BBS7: variants seen among roughly 807,000 people sequenced by gnomAD.
The protein encoded by BBS7 is Bardet-Biedl syndrome 7, also known as BBSome complex member BBS7.
In BBS7, 50 loss-of-function variants were observed where a neutral mutation model predicts 90.3. The observed-to-expected ratio is 0.55, with a 90% confidence interval of 0.44 to 0.70. The LOEUF (loss-of-function observed/expected upper bound fraction) is 0.70, where lower values mean the gene tolerates loss of function less well. BBS7 is among the 30% of genes least tolerant of loss of function. The pLI is 0.00. For synonymous variants in BBS7, 235 were observed against 287.4 expected (o/e 0.82, Z 1.85); for missense variants, 729 against 838.9 (o/e 0.87, Z 1.62).
chr4:121,853,961 T>C (rs1726459143), intron 7 of BBS7, among the ~76,000 whole-genome samples: 1 of 152,210 alleles, frequency 6.6e-6, no homozygotes, highest in Admixed American at 6.5e-5. Flanking sequence ...ACCTCAAATC[T>C]TTCACACTTA....
In BBS7 at chr4:121,847,506, C is replaced by A. The variant is rs1002315435; in HGVS notation, c.935G>T (p.Gly312Val). 6.2e-7 allele frequency: 1 copy of A among 1,604,294 alleles called. No individual in the cohort carries two copies. The highest frequency in any genetic ancestry group is 1.3e-5 in the African/African-American group (1 of 74,646). ...CTCTGTTGTCAGACCTGTAACCCAGCCTGTAGAGATGAATTACAATCACGC... is the reference window on the plus strand; with the variant it reads ...CTCTGTTGTCAGACCTGTAACCCAGACTGTAGAGATGAATTACAATCACGC... The part of the protein sequence containing the change: ...YDEIVVSTYS[G>V]WVTGLTTEPI... Residue 312 changes from glycine to valine, a missense_variant and splice_region_variant, in exon 10 of 19, where the codon GGC becomes GTC. Transcript: ENST00000264499.
chr4:121,863,356 A>T, intron 2 of BBS7, 77 bp from the exon 3 acceptor site: 1 of 1,267,990 alleles, frequency 7.9e-7, no homozygotes, highest in South Asian at 1.3e-5. Context: ...GGAAAGCAAG[A>T]TTCTTAATTT....
intron 12 of BBS7, among the ~76,000 whole-genome samples, chr4:121,841,442 A>G (rs1043565456): frequency 2.0e-5 from 3 of 152,136 alleles, no homozygotes; most frequent in Non-Finnish European, 4.4e-5. Flanking sequence ...GCATATGCCT[A>G]TGGTCCTACG....
chr4:121,829,767 G>A (rs1725094076), intron 15 of BBS7, among the ~76,000 whole-genome samples: 1 of 152,204 alleles, frequency 6.6e-6, no homozygotes, highest in Non-Finnish European at 1.5e-5. Flanking sequence ...CTCTATAGCA[G>A]CTGAAAATAT....
chr4:121,852,824 A>C (rs1172563295), intron 8 of BBS7, 132 bp downstream of exon 8: 2 of 898,052 alleles, frequency 2.2e-6, no homozygotes, highest in African/African-American at 1.7e-5. Context: ...GATTCTGATA[A>C]CATCAAAATA....
intron 18 of BBS7, among the ~76,000 whole-genome samples, chr4:121,827,376 G>A (rs28653046): frequency 2.4e-3 from 371 of 152,248 alleles, no homozygotes; most frequent in African/African-American, 7.5e-3. Flanking sequence ...TGCATTTTGG[G>A]GTGAGAAGAT....
chr4:121,836,967 T>TA (rs1725488611), intron 13 of BBS7, among the ~76,000 whole-genome samples: 2 of 136,798 alleles, frequency 1.5e-5, no homozygotes, highest in African/African-American at 5.0e-5. Context: ...GGGTTTTTTT[T>TA]GTTTTTTTTT....
chr4:121,867,368 G>A (rs2149093560), intron 2 of BBS7, among the ~76,000 whole-genome samples: 1 of 152,234 alleles, frequency 6.6e-6, no homozygotes, highest in South Asian at 2.1e-4. Context: ...TCGGCAAACA[G>A]AGATAATTTG....
At chr4:121,826,488 T>A (rs1460259927) in intron 18 of BBS7, among the ~76,000 whole-genome samples, 1 of 152,206 alleles carries the variant, frequency 6.6e-6, no homozygotes, top group Non-Finnish European at 1.5e-5. Flanking sequence ...AAAACAGGAA[T>A]AATTCAAGCT....
chr4:121,840,492 C>T (rs1725682903), intron 12 of BBS7, among the ~76,000 whole-genome samples: 1 of 152,172 alleles, frequency 6.6e-6, no homozygotes, highest in Admixed American at 6.5e-5. Context: ...AGAGAAATAT[C>T]TCTTCTCTGT....
intron 15 of BBS7, 126 bp downstream of exon 15, chr4:121,833,105 T>C: frequency 3.4e-6 from 3 of 883,240 alleles, no homozygotes; most frequent in Admixed American, 5.3e-5. Flanking sequence ...GATTTTTCAA[T>C]AGATTATCTT....
intron 2 of BBS7, among the ~76,000 whole-genome samples, chr4:121,864,325 T>C (rs1159262950): frequency 2.0e-5 from 3 of 152,226 alleles, no homozygotes; most frequent in East Asian, 3.8e-4. Context: ...TCCAGCTATG[T>C]ATCTGTGTAA....
intron 2 of BBS7, among the ~76,000 whole-genome samples, chr4:121,867,541 TAAG>T (rs2149093752): frequency 6.6e-6 from 1 of 152,346 alleles, no homozygotes; most frequent in Admixed American, 6.5e-5. Flanking sequence ...GCTAGTCTAC[TAAG>T]AAACTATAAT....
intron 11 of BBS7, 56 bp from the exon 12 acceptor site, chr4:121,844,057 T>A: frequency 4.5e-6 from 5 of 1,099,720 alleles, no homozygotes; most frequent in Non-Finnish European, 6.7e-6. Context: ...AAAATGTTCA[T>A]AAATTATGTT....
At chr4:121,826,048 A>G (rs759496562) in intron 18 of BBS7, 55 bp from the exon 19 acceptor site, 18 of 1,406,670 alleles carry the variant, frequency 1.3e-5, no homozygotes, top group Non-Finnish European at 1.6e-5. Context: ...TTAATGACAC[A>G]GTATTTCACT....
In BBS7 at chr4:121,844,002, C is replaced by G. The variant is rs780288677; in HGVS notation, c.1231-1G>C. ...CAAGTAAATCTATTGGAACATCACT[C>G]TATAGTCAATATTAAAAAAAAAGAA... On this transcript the variant is annotated splice_acceptor_variant, in intron 11 of 18. Transcript: ENST00000264499. LOFTEE classifies it high-confidence loss of function. The G allele has an allele frequency of 1.3e-6, 2 of 1,572,150 alleles. No individual in the cohort carries two copies. Among genetic ancestry groups the G allele is most frequent in the Non-Finnish European group, 8.7e-7 (1 of 1,149,792 alleles).
At position 121,855,769 on chromosome 4, in the gene BBS7, C is replaced by T. The variant is rs573628269; in HGVS notation, c.529-208G>A. On this transcript the variant is annotated intron_variant, in intron 5 of 18. Transcript: ENST00000264499. ...AAAACAACATATATACACATATATA[C>T]GTATAAATGTATACATATATACGTA... Among the ~76,000 whole-genome samples, 12 of 146,320 alleles carry T rather than the reference C, an allele frequency of 8.2e-5. No homozygotes were observed. In the South Asian group the frequency reaches 1.1e-3, roughly 13 times the overall value.
intron 3 of BBS7, among the ~76,000 whole-genome samples, chr4:121,862,329 C>T (rs1345869763): frequency 6.6e-6 from 1 of 152,004 alleles, no homozygotes; most frequent in Non-Finnish European, 1.5e-5. Context: ...ATTATTTGCA[C>T]CAGCTTCTTC....
chr4:121,844,094 G>A, intron 11 of BBS7, 93 bp from the exon 12 acceptor site: 1 of 758,604 alleles, frequency 1.3e-6, no homozygotes, highest in Non-Finnish European at 2.2e-6. Context: ...CTTAGTTCTA[G>A]TTTATATTCA....
Sources: allele counts gnomAD v4.1 joint callset (sites outside exome capture counted in the v4.1 genomes callset), GRCh38; gene constraint gnomAD v4.1.1; transcripts MANE v1.5; gene names NCBI Gene and HGNC (gene_info 2026-07-23, HGNC 2026-07-21).